The following DOCK4 variants were observed in gnomAD, a reference collection of about 807,000 sequenced individuals.
DOCK4 encodes dedicator of cytokinesis 4.
In DOCK4, 97 loss-of-function variants were observed where a neutral mutation model predicts 268.1. The ratio of observed to expected loss-of-function variants is 0.36; its 90% CI spans 0.31 to 0.43. DOCK4 has a LOEUF of 0.43. Ranked by LOEUF, DOCK4 falls within the 20% of genes least tolerant of loss-of-function variation. The pLI, the probability that DOCK4 is intolerant of heterozygous loss-of-function variation, is 1.00. For missense variants in DOCK4, 2,145 were observed against 2,455.7 expected, an observed-to-expected ratio of 0.87 and a Z score of 2.67; for synonymous variants, 954 against 887.2, an observed-to-expected ratio of 1.08 and a Z score of -1.34.
intron 23 of DOCK4, among the ~76,000 whole-genome samples, chr7:111,855,665 C>T (rs948632496): frequency 1.3e-5 from 2 of 152,022 alleles, no homozygotes; most frequent in African/African-American, 2.4e-5. Context: ...TGGAATGAGC[C>T]CCAAGATTTG....
intron 42 of DOCK4, among the ~76,000 whole-genome samples, chr7:111,755,277 T>C (rs1375278582): frequency 6.6e-6 from 1 of 152,104 alleles, no homozygotes; most frequent in Non-Finnish European, 1.5e-5. Context: ...CTGAATAGTT[T>C]TTTTACATGT....
chr7:112,120,773 T>G (rs1201832450), intron 1 of DOCK4, among the ~76,000 whole-genome samples: 1 of 152,236 alleles, frequency 6.6e-6, no homozygotes, highest in Non-Finnish European at 1.5e-5. Flanking sequence ...TACTGAATAT[T>G]AATGACCTCA....
chr7:111,795,999 C>T (rs927646692), intron 30 of DOCK4, among the ~76,000 whole-genome samples: 2 of 152,182 alleles, frequency 1.3e-5, no homozygotes, highest in African/African-American at 4.8e-5. Context: ...GATCTCCTTG[C>T]CCTTGGCCTG....
intron 17 of DOCK4, among the ~76,000 whole-genome samples, chr7:111,874,068 A>G (rs1048048903): frequency 6.6e-6 from 1 of 152,140 alleles, no homozygotes; most frequent in Non-Finnish European, 1.5e-5. Flanking sequence ...GCAAAGCTCT[A>G]TTGTTCTCCC....
At position 111,861,414 on chromosome 7, in the gene DOCK4, T is replaced by C. The variant is rs1805504401; in HGVS notation, c.2473+1958A>G. Among the ~76,000 whole-genome samples the C allele has an allele frequency of 2.0e-5, 3 of 152,118 alleles. No individual in the cohort carries two copies. The South Asian group carries it at 6.2e-4, about 32-fold the overall frequency. On this transcript the variant is annotated intron_variant, in intron 23 of 52. Transcript: ENST00000428084. ...AATATCATACAACAGTAAAAAATAA[T>C]GAAGTAGAGCTATATCTAGTGGCAT...
chr7:111,786,013 A>G (rs1378089678), intron 32 of DOCK4, among the ~76,000 whole-genome samples: 1 of 152,190 alleles, frequency 6.6e-6, no homozygotes, highest in Admixed American at 6.5e-5. Flanking sequence ...CGTAGAAGTC[A>G]TCACTCTAAT....
Position 111,728,589 on chromosome 7 carries a change from G to A in DOCK4, c.5613C>T (p.Thr1871=). 6.2e-7 allele frequency: 1 copy of A among 1,614,026 alleles called. No individual in the cohort carries two copies. The highest frequency in any genetic ancestry group is 1.3e-5 in the African/African-American group (1 of 75,064). ...SSLSRCSTSE[T]SGFENQVNEQ... The stretch of plus-strand genomic sequence containing the variant: ...CATTCACCTGATTTTCAAAGCCTGA[G>A]GTTTCCGACGTGCTGCACCGGCTGA... The change falls in exon 53 of 53, where the codon ACC becomes ACT. Residue 1871 remains threonine, a synonymous_variant. Coordinates refer to ENST00000428084, the MANE Select transcript of DOCK4 (RefSeq NM_001363540.2).
chr7:111,988,827 C>G (rs1199139114), intron 6 of DOCK4, among the ~76,000 whole-genome samples, 188 bp downstream of exon 6: 1 of 152,196 alleles, frequency 6.6e-6, no homozygotes, highest in Non-Finnish European at 1.5e-5. Context: ...ATTTCAGTGC[C>G]TACACCAGCT....
At chr7:112,081,651 T>C (rs1033521376) in intron 1 of DOCK4, among the ~76,000 whole-genome samples, 5 of 152,170 alleles carry the variant, frequency 3.3e-5, no homozygotes, top group Admixed American at 2.0e-4. Flanking sequence ...AAATGTTTTG[T>C]AGACAGAAAA....
intron 1 of DOCK4, among the ~76,000 whole-genome samples, chr7:112,093,433 C>T (rs1007298766): frequency 6.6e-6 from 1 of 151,690 alleles, no homozygotes; most frequent in Non-Finnish European, 1.5e-5. Flanking sequence ...CATTTAAAGT[C>T]ATCATACATT....
chr7:111,899,456 G>A (rs1168699532), intron 15 of DOCK4, among the ~76,000 whole-genome samples: 3 of 152,162 alleles, frequency 2.0e-5, no homozygotes, highest in Admixed American at 6.5e-5. Context: ...GGGACACAAG[G>A]AATATCAGAA....
At chr7:111,757,143 T>C (rs1224000521) in intron 41 of DOCK4, among the ~76,000 whole-genome samples, 1 of 149,650 alleles carries the variant, frequency 6.7e-6, no homozygotes, top group Admixed American at 6.7e-5. Flanking sequence ...GAGGGGTGAG[T>C]GGGTTGTGGT....
chr7:111,936,864 A>C (rs897777528), intron 11 of DOCK4, among the ~76,000 whole-genome samples: 1 of 152,140 alleles, frequency 6.6e-6, no homozygotes, highest in African/African-American at 2.4e-5. Context: ...GATGGAGGTG[A>C]TTTTTGAGCC....
chr7:111,901,677 C>T lies in DOCK4; in HGVS notation c.1317G>A (p.Lys439=). ...FIVDSSGQTL[K]DFISFGSGEP... The stretch of plus-strand genomic sequence containing the variant: ...CTGGAAATATCAAGTATTAACATAC[C>T]TTCAGGGTTTGGCCACTACTGTCTA... Residue 439 remains lysine, a splice_region_variant and synonymous_variant, in exon 14 of 53, where the codon AAG becomes AAA. Coordinates refer to ENST00000428084, the MANE Select transcript of DOCK4 (RefSeq NM_001363540.2). 3 of 1,613,090 alleles carry T rather than the reference C, an allele frequency of 1.9e-6. No homozygotes were observed. The highest frequency in any genetic ancestry group is 2.5e-6 in the Non-Finnish European group (3 of 1,179,580).
intron 30 of DOCK4, among the ~76,000 whole-genome samples, chr7:111,805,592 T>A (rs75078505): frequency 6.6e-6 from 1 of 152,306 alleles, no homozygotes; most frequent in East Asian, 1.9e-4. Flanking sequence ...GATATAATGA[T>A]CAGATTTTAA....
chr7:111,969,239 C>G (rs1797493472), intron 8 of DOCK4, among the ~76,000 whole-genome samples: 1 of 127,526 alleles, frequency 7.8e-6, no homozygotes, highest in Non-Finnish European at 1.6e-5. Flanking sequence ...CACAGCTGTA[C>G]AAACAAATAA....
intron 23 of DOCK4, among the ~76,000 whole-genome samples, chr7:111,857,387 G>C (rs1805098556): frequency 6.6e-6 from 1 of 152,006 alleles, no homozygotes; most frequent in Non-Finnish European, 1.5e-5. Context: ...AATTACTCTT[G>C]ACTACTTAAA....
At chr7:111,777,376 A>G (rs1022714436) in intron 36 of DOCK4, among the ~76,000 whole-genome samples, 3 of 152,250 alleles carry the variant, frequency 2.0e-5, no homozygotes, top group Non-Finnish European at 4.4e-5. Flanking sequence ...CAAAAATATT[A>G]TAACAGAAGG....
chr7:111,896,724 G>C (rs1808791040), intron 15 of DOCK4, among the ~76,000 whole-genome samples: 1 of 152,036 alleles, frequency 6.6e-6, no homozygotes, highest in Non-Finnish European at 1.5e-5. Flanking sequence ...CTGAAGACTG[G>C]ACAAGAAGGT....
Sources: allele counts gnomAD v4.1 joint callset (sites outside exome capture counted in the v4.1 genomes callset), GRCh38; gene constraint gnomAD v4.1.1; transcripts MANE v1.5; gene names NCBI Gene and HGNC (gene_info 2026-07-23, HGNC 2026-07-21).